The following EXOC1 variants were observed in gnomAD, a reference collection of about 807,000 sequenced individuals.
EXOC1 encodes exocyst complex component 1.
In EXOC1, 67 loss-of-function variants were observed where a neutral mutation model predicts 107.7. That is an observed-to-expected ratio of 0.62 (90% CI 0.51 to 0.76). The LOEUF (loss-of-function observed/expected upper bound fraction) is 0.76, where lower values mean the gene tolerates loss of function less well. Among genes scored for constraint, EXOC1 ranks in the 30% least tolerant of loss-of-function variants. The pLI, the probability that EXOC1 is intolerant of heterozygous loss-of-function variation, is 0.00. For missense variants in EXOC1, 833 were observed against 1,055.7 expected, an observed-to-expected ratio of 0.79 and a Z score of 2.92; for synonymous variants, 348 against 353.5, an observed-to-expected ratio of 0.98 and a Z score of 0.17.
chr4:55,892,780 T>C, intron 14 of EXOC1, 69 bp downstream of exon 14: 1 of 1,458,030 alleles, frequency 6.9e-7, no homozygotes, highest in South Asian at 1.1e-5. Flanking sequence ...TGCTGCTCAT[T>C]GAGGGGTCTA....
Position 55,864,234 on chromosome 4 carries a change from C to G in EXOC1, c.263C>G (p.Pro88Arg). 2 of 1,544,686 alleles carry G rather than the reference C, an allele frequency of 1.3e-6. No homozygotes were observed. The highest frequency in any genetic ancestry group is 1.8e-6 in the Non-Finnish European group (2 of 1,140,764). Residue 88 changes from proline (P) to arginine (R), a missense_variant, in exon 4 of 19, where the codon CCT (proline) becomes CGT (arginine). This residue lies in a region of EXOC1 where 617 missense variants were observed against 701.3 expected (regional missense o/e 0.88). Coordinates refer to ENST00000381295, the MANE Select transcript of EXOC1 (RefSeq NM_001024924.2). ...VDAKDAIKEN[P>R]EFDLHFEKIY... ...TGTATATTTTTATTTTAGGAAAATC[C>G]TGAATTTGATTTACACTTTGAAAAA...
At position 55,899,892 on chromosome 4, in the gene EXOC1, T is replaced by C. The variant is rs143256669; in HGVS notation, c.2337+8T>C. The C allele has an allele frequency of 1.3e-3, 2,066 of 1,598,068 alleles. 38 individuals carry two copies. The East Asian group carries it at 0.038, about 30-fold the overall frequency. ...CCTCTTGAAAAACTAAATGTAAATA[T>C]ATTTTCATTCAGTATTTTTCCTACT... On this transcript the variant is annotated splice_region_variant and intron_variant, in intron 17 of 18. Transcript: ENST00000381295.
chr4:55,887,194 A>G (rs1723975181), intron 10 of EXOC1, among the ~76,000 whole-genome samples: 1 of 133,200 alleles, frequency 7.5e-6, no homozygotes, highest in Non-Finnish European at 1.6e-5. Context: ...GTCCCTTAAT[A>G]CATACATTTA....
In EXOC1 at chr4:55,864,286, T is replaced by G. The variant is rs2110321540; in HGVS notation, c.315T>G (p.Thr105=). The G allele has an allele frequency of 1.2e-6, 2 of 1,609,048 alleles. No homozygotes were observed. The highest frequency in any genetic ancestry group is 1.7e-4 in the Middle Eastern group (1 of 5,964). Residue 105 remains threonine (T), a synonymous_variant, in exon 4 of 19, where the codon ACT becomes ACG. Coordinates refer to ENST00000381295, the MANE Select transcript of EXOC1 (RefSeq NM_001024924.2). ...TATATAAATGGGTTGCCAGCAGCACTGCTGAAAAGAATGCATTTATTTCAT... is the reference window on the plus strand; with the variant it reads ...TATATAAATGGGTTGCCAGCAGCACGGCTGAAAAGAATGCATTTATTTCAT... ...EKIYKWVASS[T]AEKNAFISCI...
Position 55,878,069 on chromosome 4 carries a change from A to G in EXOC1, c.1224+3A>G, listed in dbSNP as rs760808144. The G allele has an allele frequency of 2.5e-6, 4 of 1,612,260 alleles. No homozygotes were observed. Reference sequence around the variant, plus strand: ...GAAAATATGAAGGACTAACAAAGGTATGGATTTGACGTCATTTACTCACTG... The same window carrying G: ...GAAAATATGAAGGACTAACAAAGGTGTGGATTTGACGTCATTTACTCACTG... On this transcript the variant is annotated splice_donor_region_variant and intron_variant, in intron 9 of 18. Coordinates refer to ENST00000381295, the MANE Select transcript of EXOC1 (RefSeq NM_001024924.2).
intron 8 of EXOC1, among the ~76,000 whole-genome samples, chr4:55,873,246 C>T (rs1036245784): frequency 1.3e-5 from 2 of 151,896 alleles, no homozygotes; most frequent in Non-Finnish European, 2.9e-5. Context: ...GTTATGACAG[C>T]GAGACTGTGG....
At chr4:55,862,344 A>T (rs151207895) in intron 3 of EXOC1, among the ~76,000 whole-genome samples, 1 of 151,360 alleles carries the variant, frequency 6.6e-6, no homozygotes, top group Non-Finnish European at 1.5e-5. Flanking sequence ...TTATGTAGGC[A>T]CCTTGGTGTG....
chr4:55,894,123 G>A (rs528959829), intron 15 of EXOC1, among the ~76,000 whole-genome samples: 46 of 152,174 alleles, frequency 3.0e-4, no homozygotes, highest in African/African-American at 9.4e-4. Flanking sequence ...TCAGGAGTTC[G>A]AGACCAGCCT....
At chr4:55,881,761 G>C (rs1054889396) in intron 9 of EXOC1, among the ~76,000 whole-genome samples, 1 of 152,222 alleles carries the variant, frequency 6.6e-6, no homozygotes, top group Non-Finnish European at 1.5e-5. Context: ...GTGAGCAGAA[G>C]AATGACTTTG....
At chr4:55,879,969 G>T (rs1723239393) in intron 9 of EXOC1, among the ~76,000 whole-genome samples, 1 of 152,102 alleles carries the variant, frequency 6.6e-6, no homozygotes, top group Admixed American at 6.5e-5. Flanking sequence ...TTTTGTCTCT[G>T]TGGAATGAGA....
At chr4:55,873,228 G>A (rs918081339) in intron 8 of EXOC1, among the ~76,000 whole-genome samples, 1 of 151,892 alleles carries the variant, frequency 6.6e-6, no homozygotes, top group Admixed American at 6.6e-5. Flanking sequence ...TACTCAAGAG[G>A]GATAAATGTT....
chr4:55,867,240 CA>C (rs922707791), intron 4 of EXOC1, among the ~76,000 whole-genome samples: 2 of 152,152 alleles, frequency 1.3e-5, no homozygotes, highest in African/African-American at 4.8e-5. Context: ...GTTGAAAGGA[CA>C]AGGAGATCGG....
chr4:55,871,521 A>G (rs761326589), intron 7 of EXOC1, among the ~76,000 whole-genome samples: 3 of 152,094 alleles, frequency 2.0e-5, no homozygotes, highest in Non-Finnish European at 2.9e-5. Context: ...GACGAGAGCA[A>G]TTATTTCAAA....
chr4:55,903,556 A>C (rs1033722532), intron 18 of EXOC1, among the ~76,000 whole-genome samples: 2 of 152,230 alleles, frequency 1.3e-5, no homozygotes, highest in Admixed American at 1.3e-4. Flanking sequence ...TATGAGATTT[A>C]GGATTTACAA....
At chr4:55,875,868 C>A in intron 8 of EXOC1, 1 of 909,348 alleles carries the variant, frequency 1.1e-6, no homozygotes, top group Non-Finnish European at 1.3e-6. Flanking sequence ...AGTTTGGGGG[C>A]AACCTGGGCA....
At chr4:55,858,215 G>C in intron 1 of EXOC1, 99 bp from the exon 2 acceptor site, 2 of 1,246,928 alleles carry the variant, frequency 1.6e-6, no homozygotes, top group Non-Finnish European at 2.2e-6. Flanking sequence ...ATTTTTCCTA[G>C]GCTTGTTAAC....
intron 1 of EXOC1, among the ~76,000 whole-genome samples, chr4:55,855,192 CTTG>C (rs1451853123): frequency 3.3e-5 from 5 of 152,092 alleles, no homozygotes; most frequent in Non-Finnish European, 5.9e-5. Context: ...TTAAAATTAT[CTTG>C]TTGTTCAGGG....
intron 8 of EXOC1, among the ~76,000 whole-genome samples, chr4:55,875,328 A>G (rs796816285): frequency 2.0e-5 from 3 of 152,294 alleles, no homozygotes; most frequent in East Asian, 3.9e-4. Context: ...ATTAAGATCT[A>G]TTTTTGTGAG....
Position 55,858,449 on chromosome 4 carries a change from TG to T in EXOC1, c.124+5del. On this transcript the variant is annotated splice_donor_region_variant and intron_variant, in intron 2 of 18. Coordinates refer to ENST00000381295, the MANE Select transcript of EXOC1 (RefSeq NM_001024924.2). The stretch of plus-strand genomic sequence containing the variant: ...AGAACTGTTTTTTATGTGCCACAGG[TG>T]GGTATTTAGTAAGAAAGAGTACTTG... 1 of 1,586,194 alleles carries T rather than the reference TG, an allele frequency of 6.3e-7. No individual in the cohort carries two copies. Among genetic ancestry groups the T allele is most frequent in the Non-Finnish European group, 8.6e-7 (1 of 1,168,664 alleles).
Sources: allele counts gnomAD v4.1 joint callset (sites outside exome capture counted in the v4.1 genomes callset), GRCh38; gene constraint gnomAD v4.1.1; regional missense constraint gnomAD v4.1.1; transcripts MANE v1.5; gene names NCBI Gene and HGNC (gene_info 2026-07-23, HGNC 2026-07-21).